The following CARMIL1 variants were observed in gnomAD, a reference collection of about 807,000 sequenced individuals.
CARMIL1 encodes the protein F-actin-uncapping protein LRRC16A.
Under a neutral mutation model 177.1 loss-of-function variants are expected in CARMIL1, and 90 were observed. The ratio of observed to expected loss-of-function variants is 0.51; its 90% CI spans 0.43 to 0.61. The LOEUF (loss-of-function observed/expected upper bound fraction) is 0.61. CARMIL1 is among the 20% of genes least tolerant of loss of function. CARMIL1 has a pLI of 0.00. For synonymous variants in CARMIL1, 577 were observed against 606.2 expected (o/e 0.95, Z 0.71); for missense variants, 1,380 against 1,667.0 (o/e 0.83, Z 3.00).
At chr6:25,367,248 G>C (rs1306932546) in intron 2 of CARMIL1, among the ~76,000 whole-genome samples, 1 of 152,080 alleles carries the variant, frequency 6.6e-6, no homozygotes, top group Non-Finnish European at 1.5e-5. Context: ...TCTCTATTTG[G>C]AGCTCTTTTT....
chr6:25,584,158 T>C (rs984320221), intron 31 of CARMIL1, among the ~76,000 whole-genome samples: 4 of 150,958 alleles, frequency 2.6e-5, no homozygotes, highest in African/African-American at 9.8e-5. Context: ...CTCAGCCTCC[T>C]GAGTAGCTGG....
chr6:25,322,368 C>T (rs946520393), intron 2 of CARMIL1, among the ~76,000 whole-genome samples: 5 of 152,238 alleles, frequency 3.3e-5, no homozygotes, highest in Non-Finnish European at 5.9e-5. Flanking sequence ...AGTGATCCGC[C>T]TGCCTCAGCC....
chr6:25,431,915 C>G (rs1796826496), intron 4 of CARMIL1, among the ~76,000 whole-genome samples: 1 of 152,182 alleles, frequency 6.6e-6, no homozygotes, highest in Non-Finnish European at 1.5e-5. Flanking sequence ...AACATTGGCA[C>G]TGCTTCTGTA....
chr6:25,576,898 C>T, intron 29 of CARMIL1: 1 of 653,826 alleles, frequency 1.5e-6, no homozygotes, highest in Non-Finnish European at 1.9e-6. Flanking sequence ...GTATCCCTCT[C>T]CCTCCCCTTT....
rs1323842770 is a variant in CARMIL1 at position 25,483,698 on chromosome 6, A to AG, written c.961+1355_961+1356insG. Among the ~76,000 whole-genome samples, 28 of 151,780 alleles carry AG rather than the reference A, an allele frequency of 1.8e-4. 1 individual carries two copies. Among genetic ancestry groups the AG allele is most frequent in the African/African-American group, 6.8e-4 (28 of 41,316 alleles). On this transcript the variant is annotated intron_variant, in intron 12 of 36. Coordinates refer to ENST00000329474, the MANE Select transcript of CARMIL1 (RefSeq NM_017640.6). ...CTCTGTCTCAAAAAAAAAAAAAAAA[A>AG]AAATGGAGGTAGATTAAAAAAAAAA...
intron 29 of CARMIL1, among the ~76,000 whole-genome samples, chr6:25,579,302 T>G (rs991707931): frequency 2.7e-5 from 4 of 149,976 alleles, no homozygotes; most frequent in African/African-American, 7.3e-5. Context: ...TTTTTAAACA[T>G]CTTTCCTCTT....
intron 2 of CARMIL1, among the ~76,000 whole-genome samples, chr6:25,413,384 T>A (rs961040051): frequency 2.0e-5 from 3 of 152,214 alleles, no homozygotes; most frequent in Admixed American, 6.5e-5. Flanking sequence ...TTAGAGAGCA[T>A]GAATTTATGG....
At chr6:25,327,232 C>G (rs768114867) in intron 2 of CARMIL1, among the ~76,000 whole-genome samples, 46 of 152,098 alleles carry the variant, frequency 3.0e-4, no homozygotes, top group Non-Finnish European at 2.8e-4. Flanking sequence ...GAACTCTTGA[C>G]ATTCACAGGA....
intron 2 of CARMIL1, among the ~76,000 whole-genome samples, chr6:25,314,794 CTT>C (rs1484206300): frequency 6.6e-6 from 1 of 152,028 alleles, no homozygotes; most frequent in Non-Finnish European, 1.5e-5. Context: ...CCCAAAATAA[CTT>C]TTATTTTTAT....
At chr6:25,422,172 A>G (rs6921603) in intron 3 of CARMIL1, among the ~76,000 whole-genome samples, 110,541 of 152,092 alleles carry the variant, frequency 0.73, 40,330 homozygotes, top group Admixed American at 0.8. Flanking sequence ...TGCTTCCCCT[A>G]CCTGCATATC....
In CARMIL1 at chr6:25,620,319, G is replaced by A. The variant is rs1262242995; in HGVS notation, c.*736G>A. ...TAATGTATATAGTTGATTGGAATGA[G>A]GTTTTATGAATATTCATGTTTTTGA... is the stretch of plus-strand genomic sequence containing the variant. On this transcript the variant is annotated 3_prime_UTR_variant, in exon 37 of 37. Coordinates refer to ENST00000329474, the MANE Select transcript of CARMIL1 (RefSeq NM_017640.6). The A allele has an allele frequency of 6.6e-6, 1 of 152,068 alleles. No individual in the cohort carries two copies. The highest frequency in any genetic ancestry group is 1.5e-5 in the Non-Finnish European group (1 of 68,022). 9.4% of individuals were successfully genotyped at this position (152,068 alleles called of 1,614,324 possible). A position where few individuals can be genotyped will look rare whatever the true frequency, so the allele number is the denominator to read the frequency against.
intron 29 of CARMIL1, among the ~76,000 whole-genome samples, chr6:25,565,599 C>T (rs1373711025): frequency 1.3e-5 from 2 of 152,226 alleles, no homozygotes; most frequent in Non-Finnish European, 2.9e-5. Flanking sequence ...GTAATCCTAG[C>T]ACTTTGGGAG....
intron 8 of CARMIL1, among the ~76,000 whole-genome samples, chr6:25,458,189 CTT>C (rs1562165706): frequency 6.6e-6 from 1 of 152,108 alleles, no homozygotes; most frequent in Non-Finnish European, 1.5e-5. Flanking sequence ...CTCTCAATCC[CTT>C]GTCAACTTCT....
At chr6:25,381,207 C>G (rs1197403856) in intron 2 of CARMIL1, among the ~76,000 whole-genome samples, 1 of 152,192 alleles carries the variant, frequency 6.6e-6, no homozygotes, top group African/African-American at 2.4e-5. Context: ...AGAAGGTTAT[C>G]TCTTAATAGT....
rs779466236 is a variant in CARMIL1 at position 25,509,662 on chromosome 6, T to G, written c.1402T>G (p.Ser468Ala). Residue 468 changes from serine (S) to alanine (A), a missense_variant, in exon 18 of 37, where the codon TCA (serine) becomes GCA (alanine). By Grantham distance (99) the Ser-to-Ala change is moderately conservative (BLOSUM62 1). Transcript: ENST00000329474. This position sits in a 1 kb window ranked among gnomAD's most constrained non-coding sequence, Gnocchi z 4.1. ...TTGGTTTGTGTTTCTCTAGCTGAGA[T>G]CAGGAGGTGCTCAAGTATTAGAAGG... Reference protein sequence around the residue: ...SLDLSNCELRSGGAQVLEGCI... With the variant: ...SLDLSNCELRAGGAQVLEGCI... 5.0e-6 allele frequency: 8 copies of G among 1,600,710 alleles called. 2 individuals are homozygous for G. In the Middle Eastern group the frequency reaches 5.0e-4, roughly 100 times the overall value.
chr6:25,312,263 TC>T (rs1380196087), intron 2 of CARMIL1, among the ~76,000 whole-genome samples: 1 of 152,226 alleles, frequency 6.6e-6, no homozygotes, highest in Non-Finnish European at 1.5e-5. Context: ...AGGCTGGACT[TC>T]CTATTTGTCA....
intron 2 of CARMIL1, among the ~76,000 whole-genome samples, chr6:25,335,719 T>A (rs1581603118): frequency 6.6e-6 from 1 of 152,224 alleles, no homozygotes; most frequent in South Asian, 2.1e-4. Flanking sequence ...AGTGGCCAGG[T>A]GAGCTGTGCT....
Position 25,450,832 on chromosome 6 carries a change from TCCCTCCCCTC to T in CARMIL1, c.614+126_614+135del, listed in dbSNP as rs1309183610. The T allele has an allele frequency of 4.1e-3, 1,464 of 356,158 alleles. 37 individuals are homozygous for T. The African/African-American group carries it at 0.047, about 11-fold the overall frequency. 22.1% of individuals were successfully genotyped at this position (356,158 alleles called of 1,614,324 possible). A position where few individuals can be genotyped will look rare whatever the true frequency, so the allele number is the denominator to read the frequency against. ...CCCCTCCCCTCCCCTTCCCTCCCCT[TCCCTCCCCTC>T]CCCTTCCCTCCCCTCCCTTCCCTTC... On this transcript the variant is annotated intron_variant, in intron 8 of 36. Transcript: ENST00000329474.
intron 2 of CARMIL1, among the ~76,000 whole-genome samples, chr6:25,394,414 T>C (rs1408819298): frequency 6.6e-6 from 1 of 152,230 alleles, no homozygotes; most frequent in African/African-American, 2.4e-5. Context: ...TATTACACAG[T>C]TCCTGAGGGG....
Sources: gnomAD v4.1 joint callset for allele counts (sites outside exome capture counted in the v4.1 genomes callset) on GRCh38, gnomAD v4.1.1 for gene constraint, Gnocchi (gnomAD v3.1) non-coding constraint, MANE v1.5 for transcripts, NCBI Gene and HGNC (gene_info 2026-07-23, HGNC 2026-07-21) for gene names.